The following TRMT9B variants were observed in gnomAD, a reference collection of about 807,000 sequenced individuals.
The protein encoded by TRMT9B is probable tRNA methyltransferase 9B.
TRMT9B carries 16 observed loss-of-function variants against 11.5 expected under a neutral mutation model. That is an observed-to-expected ratio of 1.39 (90% CI 0.94 to 2.11). TRMT9B has a LOEUF of 2.11. TRMT9B is among the 30% of genes most tolerant of loss of function. TRMT9B has a pLI of 0.00. For missense variants in TRMT9B, 941 were observed against 553.8 expected (o/e 1.70, Z -7.02); for synonymous variants, 274 against 192.4 (o/e 1.42, Z -3.51).
chr8:13,006,139 C>T, intron 2 of TRMT9B, 63 bp from the exon 3 acceptor site: 2 of 1,512,670 alleles, frequency 1.3e-6, no homozygotes, highest in South Asian at 1.2e-5. Context: ...TCTGCATCCT[C>T]CTTCAGCCAT....
intron 1 of TRMT9B, among the ~76,000 whole-genome samples, chr8:12,967,081 A>G (rs891019837): frequency 6.6e-6 from 1 of 152,196 alleles, no homozygotes; most frequent in Non-Finnish European, 1.5e-5. Context: ...ACAGTACACA[A>G]AATTCAAATT....
intron 2 of TRMT9B, among the ~76,000 whole-genome samples, chr8:12,997,386 T>G (rs1416157306): frequency 6.6e-6 from 1 of 152,144 alleles, no homozygotes; most frequent in African/African-American, 2.4e-5. Context: ...CCTTCCACCA[T>G]GAGTAACAGC....
At chr8:12,973,287 C>G (rs531245349) in intron 1 of TRMT9B, among the ~76,000 whole-genome samples, 2 of 152,220 alleles carry the variant, frequency 1.3e-5, no homozygotes, top group South Asian at 2.1e-4. Flanking sequence ...TCTGGGTGCC[C>G]CTTCCCTTGC....
intron 1 of TRMT9B, among the ~76,000 whole-genome samples, chr8:12,964,176 A>G (rs1292669697): frequency 6.6e-6 from 1 of 152,196 alleles, no homozygotes; most frequent in African/African-American, 2.4e-5. Flanking sequence ...TAGTTTTGTT[A>G]TTTTAAAGCT....
chr8:12,949,575 T>C (rs770227053), intron 1 of TRMT9B, among the ~76,000 whole-genome samples: 3 of 152,214 alleles, frequency 2.0e-5, no homozygotes, highest in Non-Finnish European at 4.4e-5. Flanking sequence ...AAAAATCTCT[T>C]TATTTTTCTA....
chr8:12,978,685 G>C (rs1452029012), intron 1 of TRMT9B, among the ~76,000 whole-genome samples: 2 of 152,124 alleles, frequency 1.3e-5, no homozygotes, highest in Non-Finnish European at 2.9e-5. Context: ...AGGCCTACTT[G>C]CTACACCTTA....
rs973790117 is a variant in TRMT9B, at chr8:13,027,434, T to C, written c.*5390T>C. 1.2e-5 allele frequency: 2 copies of C among 167,076 alleles called. No homozygotes were observed. The highest frequency in any genetic ancestry group is 4.8e-5 in the African/African-American group (2 of 41,458). The allele number at this position is 167,076 out of a possible 1,614,324, so 10.3% of individuals were successfully genotyped here. On this transcript the variant is annotated 3_prime_UTR_variant, in exon 5 of 5. Transcript: ENST00000524591. ...TTACCCTAGACGTATTAACATCCTA[T>C]AGCGCACGTGTTCTGTGGGATATAT... is the stretch of plus-strand genomic sequence containing the variant.
chr8:12,976,524 G>C (rs1804477736), intron 1 of TRMT9B, among the ~76,000 whole-genome samples: 1 of 152,074 alleles, frequency 6.6e-6, no homozygotes, highest in Non-Finnish European at 1.5e-5. Context: ...CGGATCACTT[G>C]AGGTCAGGAG....
chr8:12,963,997 G>C (rs959127547), intron 1 of TRMT9B, among the ~76,000 whole-genome samples: 1 of 152,128 alleles, frequency 6.6e-6, no homozygotes, highest in East Asian at 1.9e-4. Context: ...ATCAGCTTTG[G>C]TTTTGTAAAC....
At chr8:12,984,256 C>T (rs1217516571) in intron 1 of TRMT9B, among the ~76,000 whole-genome samples, 1 of 152,154 alleles carries the variant, frequency 6.6e-6, no homozygotes, top group Non-Finnish European at 1.5e-5. Flanking sequence ...CTATGCAAAT[C>T]TTCTAAAATC....
chr8:13,020,765 G>C (rs929334565), intron 4 of TRMT9B, among the ~76,000 whole-genome samples: 5 of 152,116 alleles, frequency 3.3e-5, no homozygotes, highest in African/African-American at 1.2e-4. Context: ...AAAATCTGTA[G>C]AACTTAAATA....
chr8:12,960,736 G>A (rs1012121254), intron 1 of TRMT9B, among the ~76,000 whole-genome samples: 1 of 152,208 alleles, frequency 6.6e-6, no homozygotes, highest in East Asian at 1.9e-4. Context: ...TGTGATTCCA[G>A]CTAATTGACA....
At chr8:12,993,068 C>T (rs1278334314) in intron 2 of TRMT9B, among the ~76,000 whole-genome samples, 2 of 152,130 alleles carry the variant, frequency 1.3e-5, no homozygotes, top group Non-Finnish European at 2.9e-5. Flanking sequence ...AGGTCCTGAG[C>T]AAGTCCCTCT....
intron 1 of TRMT9B, among the ~76,000 whole-genome samples, chr8:12,974,383 A>G (rs1804105651): frequency 6.6e-6 from 1 of 152,144 alleles, no homozygotes; most frequent in Non-Finnish European, 1.5e-5. Context: ...TGGAGCCTGG[A>G]TTTTACACTG....
intron 2 of TRMT9B, among the ~76,000 whole-genome samples, chr8:12,992,600 C>G (rs1807561439): frequency 6.6e-6 from 1 of 151,936 alleles, no homozygotes; most frequent in Non-Finnish European, 1.5e-5. Context: ...GCTTGCAATC[C>G]CAGCATTTTG....
chr8:12,969,181 T>C (rs1803239210), intron 1 of TRMT9B, among the ~76,000 whole-genome samples: 1 of 152,126 alleles, frequency 6.6e-6, no homozygotes, highest in African/African-American at 2.4e-5. Context: ...CACTCCAGCC[T>C]AGGCAAGAGA....
chr8:12,962,953 T>C (rs1314427171), intron 1 of TRMT9B, among the ~76,000 whole-genome samples: 1 of 152,186 alleles, frequency 6.6e-6, no homozygotes, highest in East Asian at 1.9e-4. Context: ...GTCAACTTAA[T>C]TGTCAAGTTA....
At chr8:13,015,121 T>C (rs1030945895) in intron 4 of TRMT9B, among the ~76,000 whole-genome samples, 2 of 151,784 alleles carry the variant, frequency 1.3e-5, no homozygotes, top group Admixed American at 6.6e-5. Context: ...CAAAGAAATC[T>C]GTGGACTGCT....
Position 12,979,763 on chromosome 8 carries a change from C to T in TRMT9B, c.-199-11071C>T, listed in dbSNP as rs555950007. On this transcript the variant is annotated intron_variant, in intron 1 of 4. Coordinates refer to ENST00000524591, the MANE Select transcript of TRMT9B (RefSeq NM_020844.3). ...TATCTTGGAATGGCCGGAACAATGA[C>T]CAACACATTTTTTAAAATTTAGTTA... is the stretch of plus-strand genomic sequence containing the variant. 1.3e-4 allele frequency among the ~76,000 whole-genome samples: 20 copies of T among 152,256 alleles called. No homozygotes were observed. In the South Asian group the frequency reaches 3.1e-3, roughly 24 times the overall value.
Sources: gnomAD v4.1 joint callset for allele counts (sites outside exome capture counted in the v4.1 genomes callset) on GRCh38, gnomAD v4.1.1 for gene constraint, MANE v1.5 for transcripts, NCBI Gene and HGNC (gene_info 2026-07-23, HGNC 2026-07-21) for gene names.